GULP1: variants seen among roughly 807,000 people sequenced by gnomAD.
GULP1 encodes the protein PTB domain-containing engulfment adapter protein 1.
A neutral mutation model predicts 40.9 loss-of-function variants in GULP1; 19 were observed. The ratio of observed to expected loss-of-function variants is 0.46; its 90% CI spans 0.32 to 0.68. The LOEUF is 0.68. GULP1 is among the 30% of genes least tolerant of loss of function. GULP1 has a pLI of 0.03. For missense variants in GULP1, 312 were observed against 362.2 expected, an observed-to-expected ratio of 0.86 and a Z score of 1.12; for synonymous variants, 119 against 117.6, an observed-to-expected ratio of 1.01 and a Z score of -0.08.
chr2:188,439,423 T>C (rs919227294), intron 2 of GULP1, among the ~76,000 whole-genome samples: 2 of 152,190 alleles, frequency 1.3e-5, no homozygotes, highest in Admixed American at 1.3e-4. Flanking sequence ...TGTATAAGAA[T>C]GTCATTTACA....
At chr2:188,440,831 A>G (rs75012817) in intron 2 of GULP1, among the ~76,000 whole-genome samples, 1 of 152,198 alleles carries the variant, frequency 6.6e-6, no homozygotes, top group Admixed American at 6.5e-5. Context: ...GTAGAAAAAA[A>G]GATAAGATTC....
chr2:188,442,527 T>A (rs1181836502), intron 2 of GULP1, among the ~76,000 whole-genome samples: 1 of 152,248 alleles, frequency 6.6e-6, no homozygotes, highest in African/African-American at 2.4e-5. Context: ...ATATGTAAAT[T>A]ACCTAGAAGT....
chr2:188,497,494 A>G (rs2063012967), intron 4 of GULP1, among the ~76,000 whole-genome samples: 1 of 151,984 alleles, frequency 6.6e-6, no homozygotes, highest in African/African-American at 2.4e-5. Flanking sequence ...TTCACCATGA[A>G]ATACCTTATA....
At chr2:188,414,709 A>T (rs1203195293) in intron 2 of GULP1, among the ~76,000 whole-genome samples, 1 of 152,220 alleles carries the variant, frequency 6.6e-6, no homozygotes, top group Non-Finnish European at 1.5e-5. Context: ...ATTTTGCTGT[A>T]TTATGAAAAC....
intron 1 of GULP1, among the ~76,000 whole-genome samples, chr2:188,312,000 G>T (rs1386171755): frequency 1.3e-5 from 2 of 151,444 alleles, no homozygotes; most frequent in African/African-American, 4.8e-5. Context: ...AAAGAATTTA[G>T]AGAAATACAG....
chr2:188,575,373 T>C (rs1699969276), intron 9 of GULP1, among the ~76,000 whole-genome samples: 1 of 152,200 alleles, frequency 6.6e-6, no homozygotes, highest in African/African-American at 2.4e-5. Flanking sequence ...ACAGTTTATG[T>C]ATTTCAGATG....
chr2:188,539,469 G>T (rs1026163845), intron 6 of GULP1, among the ~76,000 whole-genome samples: 4 of 152,052 alleles, frequency 2.6e-5, no homozygotes, highest in African/African-American at 9.7e-5. Flanking sequence ...AAACAAATAT[G>T]ATCATTGTCC....
rs569775093 is a variant in GULP1, at chr2:188,539,465, A to G, written c.262-1716A>G. On this transcript the variant is annotated intron_variant, in intron 6 of 11. Coordinates refer to ENST00000409830, the MANE Select transcript of GULP1 (RefSeq NM_016315.4). ...ACAGAAAGAAGATAGTCTCAAACAA[A>G]TATGATCATTGTCCATCGATGCTTT... Among the ~76,000 whole-genome samples the G allele has an allele frequency of 2.4e-4, 36 of 152,252 alleles. 1 individual carries two copies. Among genetic ancestry groups the G allele is most frequent in the African/African-American group, 6.7e-4 (28 of 41,566 alleles).
chr2:188,343,290 A>G (rs2043200960), intron 1 of GULP1, among the ~76,000 whole-genome samples: 1 of 152,324 alleles, frequency 6.6e-6, no homozygotes, highest in South Asian at 2.1e-4. Flanking sequence ...GTGCTTTTAG[A>G]TATAAAAATA....
At chr2:188,499,208 A>G (rs1248449727) in intron 4 of GULP1, among the ~76,000 whole-genome samples, 4 of 147,048 alleles carry the variant, frequency 2.7e-5, no homozygotes, top group Non-Finnish European at 6.0e-5. Flanking sequence ...ACTGGGGAGT[A>G]AATGGTAACA....
intron 2 of GULP1, 86 bp downstream of exon 2, chr2:188,383,975 G>C (rs1057010257): frequency 1.9e-4 from 29 of 152,258 alleles, no homozygotes; most frequent in African/African-American, 7.0e-4. Flanking sequence ...TGTGTTGAAT[G>C]TTTAAAAATA....
At position 188,538,814 on chromosome 2, in the gene GULP1, A is replaced by C. The variant is rs1322820658; in HGVS notation, c.262-2367A>C. 2.0e-5 allele frequency among the ~76,000 whole-genome samples: 3 copies of C among 152,024 alleles called. No individual in the cohort carries two copies. In the South Asian group the frequency reaches 6.2e-4, roughly 31 times the overall value. On this transcript the variant is annotated intron_variant, in intron 6 of 11. Coordinates refer to ENST00000409830, the MANE Select transcript of GULP1 (RefSeq NM_016315.4). Reference sequence around the variant, plus strand: ...TAGAAACTACTATTCAAGGACATATACATAAGTGACACACAAAAAAATCAA... The same window carrying C: ...TAGAAACTACTATTCAAGGACATATCCATAAGTGACACACAAAAAAATCAA...
At chr2:188,479,217 G>A (rs1039614956) in intron 3 of GULP1, among the ~76,000 whole-genome samples, 2 of 152,040 alleles carry the variant, frequency 1.3e-5, no homozygotes, top group Non-Finnish European at 2.9e-5. Flanking sequence ...GAAGATTAAT[G>A]TATTCAGTGA....
At chr2:188,335,042 A>T (rs2042081622) in intron 1 of GULP1, among the ~76,000 whole-genome samples, 1 of 152,240 alleles carries the variant, frequency 6.6e-6, no homozygotes, top group Non-Finnish European at 1.5e-5. Flanking sequence ...GAAGTTGCTG[A>T]TATAAAAGGA....
rs116411496 is a variant in GULP1 at position 188,556,332 on chromosome 2, G to A, written c.400-12907G>A. 5.2e-3 allele frequency among the ~76,000 whole-genome samples: 791 copies of A among 151,838 alleles called. 6 individuals are homozygous for A. The highest frequency in any genetic ancestry group is 0.018 in the African/African-American group (740 of 41,426). The stretch of plus-strand genomic sequence containing the variant: ...CTTCCACTTGATCTAGTCTATTATC[G>A]AAGATATCATTATGTTACTCCTCAA... On this transcript the variant is annotated intron_variant, in intron 7 of 11. Coordinates refer to ENST00000409830, the MANE Select transcript of GULP1 (RefSeq NM_016315.4).
intron 1 of GULP1, among the ~76,000 whole-genome samples, chr2:188,373,582 C>A (rs1356153703): frequency 6.6e-6 from 1 of 151,810 alleles, no homozygotes; most frequent in Non-Finnish European, 1.5e-5. Flanking sequence ...TGAGATATCA[C>A]ATAGTAGATG....
intron 2 of GULP1, among the ~76,000 whole-genome samples, chr2:188,445,246 T>A (rs1396542263): frequency 6.6e-6 from 1 of 151,878 alleles, no homozygotes; most frequent in Non-Finnish European, 1.5e-5. Context: ...TCTATCTAGG[T>A]CCCTAGATAA....
intron 4 of GULP1, among the ~76,000 whole-genome samples, chr2:188,517,635 G>T (rs2065311485): frequency 6.6e-6 from 1 of 152,104 alleles, no homozygotes. Flanking sequence ...CTTGAGCAGG[G>T]CTTGTCATCT....
At chr2:188,574,089 T>C (rs901176781) in intron 9 of GULP1, among the ~76,000 whole-genome samples, 2 of 152,146 alleles carry the variant, frequency 1.3e-5, no homozygotes, top group Non-Finnish European at 2.9e-5. Context: ...TCTAACACAA[T>C]ATAGTTCACA....
Sources: allele counts gnomAD v4.1 joint callset (sites outside exome capture counted in the v4.1 genomes callset), GRCh38; gene constraint gnomAD v4.1.1; transcripts MANE v1.5; gene names NCBI Gene and HGNC (gene_info 2026-07-23, HGNC 2026-07-21).